Variants in RNF180 observed in about 807,000 individuals in gnomAD.
RNF180 encodes E3 ubiquitin-protein ligase RNF180.
Under a neutral mutation model 59.2 loss-of-function variants are expected in RNF180, and 38 were observed. The observed-to-expected ratio is 0.64, with a 90% CI of 0.50 to 0.84. The LOEUF (loss-of-function observed/expected upper bound fraction) is 0.84. Among genes scored for constraint, RNF180 ranks in the 40% least tolerant of loss-of-function variants. The pLI is 0.00. For synonymous variants in RNF180, 262 were observed against 240.3 expected (o/e 1.09, Z -0.84); for missense variants, 705 against 700.9 (o/e 1.01, Z -0.07).
At chr5:64,235,609 T>A (rs919306480) in intron 5 of RNF180, among the ~76,000 whole-genome samples, 10 of 151,896 alleles carry the variant, frequency 6.6e-5, no homozygotes, top group Admixed American at 2.6e-4. Context: ...CAACACCGTA[T>A]TGAAGTTCTT....
chr5:64,246,869 T>C (rs1743204625), intron 5 of RNF180, among the ~76,000 whole-genome samples: 1 of 152,196 alleles, frequency 6.6e-6, no homozygotes, highest in Non-Finnish European at 1.5e-5. Flanking sequence ...AATAATATAC[T>C]GGTAAACCGG....
chr5:64,277,937 A>G (rs1007815666), intron 5 of RNF180, among the ~76,000 whole-genome samples: 17 of 152,206 alleles, frequency 1.1e-4, no homozygotes, highest in African/African-American at 3.9e-4. Flanking sequence ...ATAATGGAGA[A>G]TATTTTTATA....
chr5:64,213,353 A>G lies in RNF180; in HGVS notation c.232-205A>G, dbSNP rs115790450. ...GGATGGGCATGATTTGCAATATGTT[A>G]TCATTCTAGAACTTTGGCGCTGCTT... On this transcript the variant is annotated intron_variant, in intron 3 of 7. Transcript: ENST00000389100. Among the ~76,000 whole-genome samples the G allele has an allele frequency of 4.8e-3, 729 of 152,262 alleles. 9 individuals carry two copies. The highest frequency in any genetic ancestry group is 0.017 in the African/African-American group (697 of 41,556).
At chr5:64,318,618 A>T (rs1164701771) in intron 5 of RNF180, among the ~76,000 whole-genome samples, 1 of 152,164 alleles carries the variant, frequency 6.6e-6, no homozygotes, top group Non-Finnish European at 1.5e-5. Flanking sequence ...ACTTTTTTAG[A>T]CAATTTTTAG....
At chr5:64,365,483 G>T (rs1273548915) in intron 7 of RNF180, among the ~76,000 whole-genome samples, 1 of 151,588 alleles carries the variant, frequency 6.6e-6, no homozygotes, top group African/African-American at 2.4e-5. Context: ...CTGTTGTTTG[G>T]GGGTTGAGAG....
At chr5:64,285,694 A>T (rs528678188) in intron 5 of RNF180, among the ~76,000 whole-genome samples, 26 of 152,088 alleles carry the variant, frequency 1.7e-4, no homozygotes, top group Non-Finnish European at 3.1e-4. Flanking sequence ...AGGCCAGGAG[A>T]TAGAGGGTGC....
At chr5:64,238,560 C>T (rs1284507477) in intron 5 of RNF180, among the ~76,000 whole-genome samples, 1 of 152,092 alleles carries the variant, frequency 6.6e-6, no homozygotes, top group Non-Finnish European at 1.5e-5. Context: ...ATATCTCACT[C>T]TGGTTTTAAT....
At chr5:64,227,257 T>G (rs1269735598) in intron 5 of RNF180, among the ~76,000 whole-genome samples, 4 of 152,078 alleles carry the variant, frequency 2.6e-5, no homozygotes, top group Non-Finnish European at 5.9e-5. Context: ...ACCAGGGGCT[T>G]GCATTTGGGC....
At chr5:64,276,500 T>C (rs556118809) in intron 5 of RNF180, among the ~76,000 whole-genome samples, 248 of 152,140 alleles carry the variant, frequency 1.6e-3, no homozygotes, top group Non-Finnish European at 2.8e-3. Context: ...CTTTATTCTT[T>C]AAAGTAATGT....
At position 64,298,685 on chromosome 5, in the gene RNF180, AAAAC is replaced by A. The variant is rs1289452642; in HGVS notation, c.1228-26496_1228-26493del. ...TTTAATTGAGTTTATTCAGCAAAGA[AAAAC>A]AAACCAAAGCAAAACAAAACAAAAA... On this transcript the variant is annotated intron_variant, in intron 5 of 7. Coordinates refer to ENST00000389100, the MANE Select transcript of RNF180 (RefSeq NM_001113561.2). Among the ~76,000 whole-genome samples the A allele has an allele frequency of 2.6e-5, 4 of 152,166 alleles. 1 individual carries two copies. The highest frequency in any genetic ancestry group is 9.6e-5 in the African/African-American group (4 of 41,548).
At chr5:64,338,597 T>G (rs1048049782) in intron 7 of RNF180, among the ~76,000 whole-genome samples, 46 of 149,680 alleles carry the variant, frequency 3.1e-4, no homozygotes, top group African/African-American at 1.1e-3. Flanking sequence ...ATCGCGCCAC[T>G]GCACTCCAGC....
At chr5:64,295,623 G>C (rs1266270963) in intron 5 of RNF180, among the ~76,000 whole-genome samples, 1 of 152,126 alleles carries the variant, frequency 6.6e-6, no homozygotes, top group African/African-American at 2.4e-5. Flanking sequence ...CCACCCCTGT[G>C]CTTCCTAATA....
chr5:64,357,944 G>A (rs1215890072), intron 7 of RNF180, among the ~76,000 whole-genome samples: 1 of 151,814 alleles, frequency 6.6e-6, no homozygotes, highest in Non-Finnish European at 1.5e-5. Context: ...TCAACTTGTA[G>A]ATTTTCTTCA....
chr5:64,343,364 A>T (rs1158681550), intron 7 of RNF180, among the ~76,000 whole-genome samples: 1 of 152,136 alleles, frequency 6.6e-6, no homozygotes, highest in African/African-American at 2.4e-5. Flanking sequence ...CTTTAACAGC[A>T]GACTATGTGG....
intron 7 of RNF180, among the ~76,000 whole-genome samples, chr5:64,332,811 G>A (rs569319893): frequency 1.3e-5 from 2 of 152,288 alleles, no homozygotes; most frequent in African/African-American, 2.4e-5. Flanking sequence ...GTCCAGATAT[G>A]AGGAACTGTG....
intron 7 of RNF180, among the ~76,000 whole-genome samples, chr5:64,354,503 A>G (rs1358561747): frequency 6.6e-6 from 1 of 151,780 alleles, no homozygotes; most frequent in African/African-American, 2.4e-5. Flanking sequence ...AGCTTCACTG[A>G]TGAATTCTGC....
At chr5:64,175,128 C>G (rs545675668) in intron 1 of RNF180, among the ~76,000 whole-genome samples, 2 of 151,938 alleles carry the variant, frequency 1.3e-5, no homozygotes, top group Non-Finnish European at 2.9e-5. Context: ...CCACCACACC[C>G]GGCTAATTTT....
chr5:64,201,574 A>G (rs2112059559), intron 2 of RNF180, among the ~76,000 whole-genome samples: 1 of 152,312 alleles, frequency 6.6e-6, no homozygotes, highest in South Asian at 2.1e-4. Flanking sequence ...ATCACCTGTC[A>G]TTGTTTTCTT....
At chr5:64,234,686 G>A (rs1168847207) in intron 5 of RNF180, among the ~76,000 whole-genome samples, 2 of 122,252 alleles carry the variant, frequency 1.6e-5, no homozygotes, top group Non-Finnish European at 3.2e-5. Flanking sequence ...TGCAAGCTCC[G>A]CCTCCCGGGT....
Sources: gnomAD v4.1 joint callset for allele counts (sites outside exome capture counted in the v4.1 genomes callset) on GRCh38, gnomAD v4.1.1 for gene constraint, MANE v1.5 for transcripts, NCBI Gene and HGNC (gene_info 2026-07-23, HGNC 2026-07-21) for gene names.